The following NCOA1 variants were observed in gnomAD, a reference collection of about 807,000 sequenced individuals.
NCOA1 encodes nuclear receptor coactivator 1, also known as Hin-2 protein.
Under a neutral mutation model 150.9 loss-of-function variants are expected in NCOA1, and 35 were observed. That is an observed-to-expected ratio of 0.23 (90% CI 0.18 to 0.31). NCOA1 has a LOEUF of 0.31. Ranked by LOEUF, NCOA1 falls within the 10% of genes least tolerant of loss-of-function variation. NCOA1 has a pLI of 1.00. For missense variants in NCOA1, 1,491 were observed against 1,749.3 expected, an observed-to-expected ratio of 0.85 and a Z score of 2.63; for synonymous variants, 590 against 630.0, an observed-to-expected ratio of 0.94 and a Z score of 0.95.
intron 8 of NCOA1, among the ~76,000 whole-genome samples, chr2:24,690,022 T>A (rs1672589655): frequency 6.6e-6 from 1 of 152,210 alleles, no homozygotes; most frequent in African/African-American, 2.4e-5. Flanking sequence ...TAGTCATATA[T>A]GTTTGTTGTA....
At chr2:24,570,237 G>A (rs1423457604) in intron 2 of NCOA1, among the ~76,000 whole-genome samples, 1 of 152,094 alleles carries the variant, frequency 6.6e-6, no homozygotes, top group Non-Finnish European at 1.5e-5. Context: ...GAAACCAGCT[G>A]AATATGAAAA....
In NCOA1 at chr2:24,768,040, A is replaced by G. The variant is rs760909995; in HGVS notation, c.4156-181A>G. ...ATTTTTAAAGTGTGAACTTTCCAGA[A>G]CCCTGAGCAAAATGAGTGCAGCGAT... On this transcript the variant is annotated intron_variant, in intron 22 of 22. Coordinates refer to ENST00000348332, the MANE Select transcript of NCOA1 (RefSeq NM_003743.5). 5.8e-5 allele frequency: 94 copies of G among 1,608,068 alleles called. No homozygotes were observed. In the East Asian group the frequency reaches 1.2e-3, roughly 20 times the overall value.
Position 24,752,172 on chromosome 2 carries a change from TTA to T in NCOA1, c.3881+22_3881+23del. 1 of 1,612,014 alleles carries T rather than the reference TTA, an allele frequency of 6.2e-7. No individual in the cohort carries two copies. Among genetic ancestry groups the T allele is most frequent in the South Asian group, 1.1e-5 (1 of 90,938 alleles). On this transcript the variant is annotated intron_variant, in intron 20 of 22. Coordinates refer to ENST00000348332, the MANE Select transcript of NCOA1 (RefSeq NM_003743.5). ...GAAACAACAAGTAAGGGGGCAGTTT[TTA>T]TATATGAGCATCCTTGATACTGTGA...
chr2:24,630,887 A>T (rs1216295252), intron 3 of NCOA1, among the ~76,000 whole-genome samples: 2 of 152,204 alleles, frequency 1.3e-5, no homozygotes, highest in Non-Finnish European at 2.9e-5. Context: ...GGGAAAGTCA[A>T]ATAAACTTTA....
At position 24,761,869 on chromosome 2, in the gene NCOA1, C is replaced by T. The variant is rs567720551; in HGVS notation, c.4066-818C>T. ...ATGCTACATGATACTACATGAATTACGATGTTTTCCACTCTGGGGGGTGAA... is the reference window on the plus strand; with the variant it reads ...ATGCTACATGATACTACATGAATTATGATGTTTTCCACTCTGGGGGGTGAA... On this transcript the variant is annotated intron_variant, in intron 21 of 22. Coordinates refer to ENST00000348332, the MANE Select transcript of NCOA1 (RefSeq NM_003743.5). 7.9e-5 allele frequency among the ~76,000 whole-genome samples: 12 copies of T among 152,310 alleles called. No individual in the cohort carries two copies. The South Asian group carries it at 8.3e-4, about 11-fold the overall frequency.
At chr2:24,721,769 G>A (rs1404436559) in intron 14 of NCOA1, among the ~76,000 whole-genome samples, 1 of 152,328 alleles carries the variant, frequency 6.6e-6, no homozygotes, top group East Asian at 1.9e-4. Context: ...TGACCACTGA[G>A]CCTGGAGTTG....
intron 20 of NCOA1, among the ~76,000 whole-genome samples, chr2:24,753,111 A>C (rs1664330977): frequency 6.9e-6 from 1 of 144,858 alleles, no homozygotes; most frequent in Admixed American, 6.8e-5. Flanking sequence ...CTCAGTGAGG[A>C]CCATGTATAA....
chr2:24,576,188 T>TTTG (rs1666977223), intron 2 of NCOA1, among the ~76,000 whole-genome samples: 3 of 97,396 alleles, frequency 3.1e-5, no homozygotes, highest in Non-Finnish European at 4.4e-5. Context: ...TTTTTTTTTT[T>TTTG]TTTGTTTGCT....
chr2:24,673,311 T>G (rs1671763935), intron 6 of NCOA1, 55 bp from the exon 7 acceptor site: 1 of 1,267,860 alleles, frequency 7.9e-7, no homozygotes, highest in East Asian at 2.6e-5. Flanking sequence ...AAACTTGACT[T>G]TATGGAAATA....
intron 1 of NCOA1, among the ~76,000 whole-genome samples, 146 bp downstream of exon 1, chr2:24,491,748 C>A (rs1662969356): frequency 6.6e-6 from 1 of 151,338 alleles, no homozygotes; most frequent in African/African-American, 2.4e-5. Flanking sequence ...CCTCCCACTT[C>A]CCCGAGTTCC....
At chr2:24,542,461 G>T (rs1665437336) in intron 1 of NCOA1, among the ~76,000 whole-genome samples, 1 of 152,200 alleles carries the variant, frequency 6.6e-6, no homozygotes. Context: ...GATTCTAGTA[G>T]AAAATTTGGA....
In NCOA1 at chr2:24,706,747, T is replaced by C. The variant is rs1175905644; in HGVS notation, c.1277T>C (p.Leu426Pro). Residue 426 changes from leucine (L) to proline (P), a missense_variant, in exon 13 of 23, where the codon CTT becomes CCT. Coordinates refer to ENST00000348332, the MANE Select transcript of NCOA1 (RefSeq NM_003743.5). ...ATAAACCGCCAGCAGAGCTCAGACC[T>C]TCATAGCAGCAGTCATAGTAATTCT... ...TRINRQQSSD[L>P]HSSSHSNSSN... 2 of 1,614,184 alleles carry C rather than the reference T, an allele frequency of 1.2e-6. No individual in the cohort carries two copies. The highest frequency in any genetic ancestry group is 2.2e-5 in the South Asian group (2 of 91,086).
At chr2:24,703,835 A>G (rs1673285383) in intron 11 of NCOA1, among the ~76,000 whole-genome samples, 1 of 152,160 alleles carries the variant, frequency 6.6e-6, no homozygotes, top group Admixed American at 6.5e-5. Context: ...AAATGTAATC[A>G]AAGCCCCTTT....
intron 3 of NCOA1, among the ~76,000 whole-genome samples, chr2:24,587,198 G>T (rs55881122): frequency 0.039 from 5,993 of 152,058 alleles, 138 homozygotes; most frequent in East Asian, 0.11. Context: ...AGAAAGAGGG[G>T]GTTTCTCCTG....
chr2:24,627,467 G>A (rs1159649420), intron 3 of NCOA1, among the ~76,000 whole-genome samples: 1 of 152,104 alleles, frequency 6.6e-6, no homozygotes, highest in African/African-American at 2.4e-5. Context: ...TAAGACTGTC[G>A]TTGTCAGTTA....
chr2:24,562,863 G>A (rs1350675432), intron 1 of NCOA1, among the ~76,000 whole-genome samples: 1 of 152,172 alleles, frequency 6.6e-6, no homozygotes, highest in Admixed American at 6.5e-5. Flanking sequence ...AAGGGAATGA[G>A]TCTGGACTCA....
intron 19 of NCOA1, among the ~76,000 whole-genome samples, chr2:24,743,113 C>T (rs1663696481): frequency 6.6e-6 from 1 of 152,170 alleles, no homozygotes; most frequent in Non-Finnish European, 1.5e-5. Flanking sequence ...GATTAGTCTA[C>T]TCTGTTTAAT....
chr2:24,586,983 C>T (rs1667439953), intron 3 of NCOA1, among the ~76,000 whole-genome samples: 1 of 152,086 alleles, frequency 6.6e-6, no homozygotes. Context: ...TTCCTACTAC[C>T]CTGGACCCTT....
rs769344189 is a variant in NCOA1 at position 24,658,743 on chromosome 2, G to A, written c.66G>A (p.Ser22=). 2.5e-5 allele frequency: 40 copies of A among 1,614,000 alleles called. 1 individual carries two copies. The highest frequency in any genetic ancestry group is 9.9e-5 in the South Asian group (9 of 91,064). ...ANPDSHKRKG[S]PCDTLASSTE... is the part of the protein sequence containing the mutation. ...CAGACTCACATAAGAGGAAAGGATC[G>A]CCATGTGACACACTGGCATCAAGGT... is the stretch of plus-strand genomic sequence containing the variant. Residue 22 remains serine, a synonymous_variant, in exon 5 of 23, where the codon TCG becomes TCA. Coordinates refer to ENST00000348332, the MANE Select transcript of NCOA1 (RefSeq NM_003743.5).
Sources: allele counts gnomAD v4.1 joint callset (sites outside exome capture counted in the v4.1 genomes callset), GRCh38; gene constraint gnomAD v4.1.1; transcripts MANE v1.5; gene names NCBI Gene and HGNC (gene_info 2026-07-23, HGNC 2026-07-21).